Variants in NGDN observed in about 807,000 individuals in gnomAD.
NGDN encodes EIF4E-binding protein.
Under a neutral mutation model 45.2 loss-of-function variants are expected in NGDN, and 41 were observed. That is an observed-to-expected ratio of 0.91 (90% CI 0.71 to 1.18). The LOEUF (loss-of-function observed/expected upper bound fraction) is 1.18. Among genes scored for constraint, NGDN ranks in the 50% most tolerant of loss-of-function variants. The pLI, the probability that NGDN is intolerant of heterozygous loss-of-function variation, is 0.00. For missense variants in NGDN, 402 were observed against 399.9 expected, an observed-to-expected ratio of 1.01 and a Z score of -0.05; for synonymous variants, 137 against 130.9, an observed-to-expected ratio of 1.05 and a Z score of -0.32.
At chr14:23,477,441 G>C in intron 9 of NGDN, 62 bp from the exon 10 acceptor site, 1 of 1,612,120 alleles carries the variant, frequency 6.2e-7, no homozygotes, top group Non-Finnish European at 8.5e-7. Context: ...TGAGGAACTT[G>C]GGAAGGGATG....
chr14:23,477,803 A>T, intron 10 of NGDN: 2 of 1,459,330 alleles, frequency 1.4e-6, no homozygotes, highest in Non-Finnish European at 1.8e-6. Context: ...TTCCCTAAAT[A>T]GAACTGGTAA....
At position 23,469,723 on chromosome 14, in the gene NGDN, C is replaced by A. The variant is rs1177635950; in HGVS notation, c.8C>A (p.Ala3Glu). ...GGGGTGGGCTTTGCGAAGATGGCGGCGCTGGTGAGTTTGGTGTGGTTTCTT... is the reference window on the plus strand; with the variant it reads ...GGGGTGGGCTTTGCGAAGATGGCGGAGCTGGTGAGTTTGGTGTGGTTTCTT... MA[A>E]LGVLESDLPS... Residue 3 changes from alanine (A) to glutamate (E), a missense_variant, in exon 1 of 11, where the codon GCG becomes GAG. By Grantham distance (107) the Ala-to-Glu change is moderately radical. Transcript: ENST00000408901. The A allele has an allele frequency of 1.2e-6, 2 of 1,614,018 alleles. No individual in the cohort carries two copies. The highest frequency in any genetic ancestry group is 3.3e-5 in the Admixed American group (2 of 59,996).
intron 3 of NGDN, among the ~76,000 whole-genome samples, chr14:23,471,809 C>A (rs1360912880): frequency 5.7e-5 from 8 of 141,568 alleles, no homozygotes; most frequent in African/African-American, 1.3e-4. Context: ...GACCCTGTCT[C>A]AAAAAAAAAA....
At position 23,476,137 on chromosome 14, in the gene NGDN, GTTCC is replaced by G; in HGVS notation, c.530_533del (p.Val177GlufsTer16). On this transcript the variant is annotated frameshift_variant, in exon 7 of 11. Coordinates refer to ENST00000408901, the MANE Select transcript of NGDN (RefSeq NM_001042635.2). LOFTEE classifies it high-confidence loss of function. The stretch of plus-strand genomic sequence containing the variant: ...TAAGAAATATGTTCCTCCACGCTTG[GTTCC>G]AGTACATTATGGTATAAACTTTGGC... 6.2e-7 allele frequency: 1 copy of G among 1,614,158 alleles called. No homozygotes were observed. Among genetic ancestry groups the G allele is most frequent in the Non-Finnish European group, 8.5e-7 (1 of 1,180,000 alleles).
At chr14:23,477,792 C>G in intron 10 of NGDN, 1 of 1,456,334 alleles carries the variant, frequency 6.9e-7, no homozygotes, top group Non-Finnish European at 9.0e-7. Flanking sequence ...CCTGTTCAGG[C>G]TTCCCTAAAT....
intron 3 of NGDN, among the ~76,000 whole-genome samples, chr14:23,473,100 A>G (rs1370368225): frequency 2.6e-5 from 4 of 152,140 alleles, no homozygotes; most frequent in Non-Finnish European, 5.9e-5. Flanking sequence ...CCTGGGTTCA[A>G]GTGATTCTCC....
Position 23,475,775 on chromosome 14 carries a change from C to T in NGDN, c.417C>T (p.Ser139=). 2.5e-6 allele frequency: 4 copies of T among 1,612,574 alleles called. No individual in the cohort carries two copies. Among genetic ancestry groups the T allele is most frequent in the Non-Finnish European group, 3.4e-6 (4 of 1,179,804 alleles). Residue 139 remains serine (S), a synonymous_variant, in exon 6 of 11, where the codon AGC becomes AGT. Transcript: ENST00000408901. ...RFKPHPSNMM[S]KLSSEDEEED... ...AGCCTCATCCCAGCAATATGATGAG[C>T]AAGGTAAGGGGTTGTAGTATTCTCC...
chr14:23,470,234 C>T (rs558325985), intron 2 of NGDN, 133 bp downstream of exon 2: 13 of 696,182 alleles, frequency 1.9e-5, no homozygotes, highest in Admixed American at 1.6e-4. Context: ...TAATCAAAAC[C>T]TTTTCACGCC....
At chr14:23,471,639 T>A (rs1014377763) in intron 3 of NGDN, 1 of 151,758 alleles carries the variant, frequency 6.6e-6, no homozygotes, top group African/African-American at 2.4e-5. Flanking sequence ...GGTAACATAG[T>A]GAGACCCTAC....
At chr14:23,471,253 G>C in intron 3 of NGDN, 3 of 325,752 alleles carry the variant, frequency 9.2e-6, no homozygotes, top group Non-Finnish European at 1.7e-5. Flanking sequence ...CTTCCCAGAG[G>C]AGGTGATAGG....
Position 23,478,110 on chromosome 14 carries a change from CATTA to C in NGDN, c.*88_*91del, listed in dbSNP as rs573675233. ...TATATAGGTGGTTTTCCCTGGAATTCATTAATTGTTTGCTTTGGACATGTGGAAA... is the reference window on the plus strand; with the variant it reads ...TATATAGGTGGTTTTCCCTGGAATTCATTGTTTGCTTTGGACATGTGGAAA... On this transcript the variant is annotated 3_prime_UTR_variant, in exon 11 of 11. Coordinates refer to ENST00000408901, the MANE Select transcript of NGDN (RefSeq NM_001042635.2). The C allele has an allele frequency of 7.4e-7, 1 of 1,354,926 alleles. No individual in the cohort carries two copies. The highest frequency in any genetic ancestry group is 1.1e-6 in the Non-Finnish European group (1 of 948,794). The allele number at this position is 1,354,926 out of a possible 1,614,324, so 83.9% of individuals were successfully genotyped here.
Position 23,475,595 on chromosome 14 carries a change from A to T in NGDN, c.320A>T (p.Lys107Met). 1 of 1,614,228 alleles carries T rather than the reference A, an allele frequency of 6.2e-7. No homozygotes were observed. Among genetic ancestry groups the T allele is most frequent in the Admixed American group, 1.7e-5 (1 of 60,038 alleles). ...CTTCGTCCCTTGGACCAAAAGCTGA[A>T]GTATCAAATTGACAAGCTGATCAAG... ...EKLRPLDQKL[K>M]YQIDKLIKTA... is the part of the protein sequence containing the mutation. Residue 107 changes from lysine (K) to methionine (M), a missense_variant, in exon 5 of 11, where the codon AAG becomes ATG. Physicochemically the swap from Lys to Met is moderately conservative, Grantham distance 95. Transcript: ENST00000408901.
intron 8 of NGDN, among the ~76,000 whole-genome samples, chr14:23,476,984 T>C (rs1347548040): frequency 6.6e-6 from 1 of 152,190 alleles, no homozygotes; most frequent in Non-Finnish European, 1.5e-5. Flanking sequence ...TGGATTCATA[T>C]CTAGCATGAG....
intron 8 of NGDN, among the ~76,000 whole-genome samples, chr14:23,476,610 C>G (rs2138726230): frequency 6.6e-6 from 1 of 152,158 alleles, no homozygotes; most frequent in African/African-American, 2.4e-5. Context: ...CTGTTTAGTT[C>G]AAAGCAAAAG....
At position 23,475,719 on chromosome 14, in the gene NGDN, A is replaced by T; in HGVS notation, c.368-7A>T. ...TTTTGTAAAATTCATTGGGTTATTT[A>T]TTTCAGGTGAGAATGACCCACTTCG... On this transcript the variant is annotated splice_region_variant and splice_polypyrimidine_tract_variant and intron_variant, in intron 5 of 10. Coordinates refer to ENST00000408901, the MANE Select transcript of NGDN (RefSeq NM_001042635.2). 6.2e-7 allele frequency: 1 copy of T among 1,613,986 alleles called. No individual in the cohort carries two copies. The highest frequency in any genetic ancestry group is 1.3e-5 in the African/African-American group (1 of 75,064).
Position 23,470,945 on chromosome 14 carries a change from AAAGTTC to A in NGDN, c.116_121del (p.Val39_Gln40del), listed in dbSNP as rs1440941481. 6.4e-7 allele frequency: 1 copy of A among 1,555,412 alleles called. No homozygotes were observed. The highest frequency in any genetic ancestry group is 1.4e-5 in the African/African-American group (1 of 71,226). On this transcript the variant is annotated inframe_deletion, in exon 3 of 11. Coordinates refer to ENST00000408901, the MANE Select transcript of NGDN (RefSeq NM_001042635.2). ...TGCACAAGTGAAATCACTGACACAA[AAAGTTC>A]AAGCTGGTGCCTATCCTACAGAAAA...
At chr14:23,471,346 G>A (rs1442437981) in intron 3 of NGDN, 1 of 191,172 alleles carries the variant, frequency 5.2e-6, no homozygotes, top group African/African-American at 2.3e-5. Flanking sequence ...ATAAGGGAAA[G>A]GAGTAAGTCA....
intron 3 of NGDN, among the ~76,000 whole-genome samples, chr14:23,474,655 A>T (rs911446298): frequency 6.6e-6 from 1 of 152,248 alleles, no homozygotes; most frequent in Non-Finnish European, 1.5e-5. Context: ...ATTCGATGTC[A>T]TTATATATAA....
At chr14:23,473,346 A>G (rs1272945709) in intron 3 of NGDN, among the ~76,000 whole-genome samples, 5 of 152,192 alleles carry the variant, frequency 3.3e-5, no homozygotes, top group African/African-American at 1.2e-4. Context: ...GAGATGGATG[A>G]GTTGCCAGCA....
Sources: allele counts gnomAD v4.1 joint callset (sites outside exome capture counted in the v4.1 genomes callset), GRCh38; gene constraint gnomAD v4.1.1; transcripts MANE v1.5; gene names NCBI Gene and HGNC (gene_info 2026-07-23, HGNC 2026-07-21).